RNASET2: variants seen among roughly 807,000 people sequenced by gnomAD.
RNASET2 encodes ribonuclease 6.
Under a neutral mutation model 33.9 loss-of-function variants are expected in RNASET2, and 28 were observed. The observed-to-expected ratio is 0.83, with a 90% confidence interval of 0.61 to 1.13. RNASET2 has a LOEUF of 1.13. Ranked by LOEUF, RNASET2 falls within the 50% of genes most tolerant of loss-of-function variation. The pLI is 0.00. For missense variants in RNASET2, 330 were observed against 319.9 expected (o/e 1.03, Z -0.24); for synonymous variants, 123 against 121.0 (o/e 1.02, Z -0.11).
Position 166,956,167 on chromosome 6 carries a change from G to A in RNASET2, c.16C>T (p.Leu6=), listed in dbSNP as rs11557915. The part of the protein sequence containing the change: MRPAA[L]RGALLGCLCL... ...AGGCAGCCCAGCAGGGCCCCGCGCA[G>A]GGCTGCAGGGCGCATGGTGCCGACC... The change falls in exon 1 of 9, where the codon CTG becomes TTG. Residue 6 remains leucine (L), a synonymous_variant. Coordinates refer to ENST00000508775, the MANE Select transcript of RNASET2 (RefSeq NM_003730.6). 5.2e-3 allele frequency: 8,049 copies of A among 1,549,670 alleles called. 409 individuals carry two copies. The African/African-American group carries it at 0.1, about 19-fold the overall frequency.
rs531011178 is a variant in RNASET2 at position 166,927,702 on chromosome 6, G to A, written c.*1886C>T. Among the ~76,000 whole-genome samples the A allele has an allele frequency of 2.0e-3, 177 of 87,218 alleles. No homozygotes were observed. Among genetic ancestry groups the A allele is most frequent in the Admixed American group, 4.6e-3 (32 of 6,980 alleles). The allele number at this position is 87,218 out of a possible 152,430, so 57.2% of individuals were successfully genotyped here. ...AACCCAAGCCTTGATCCCTGTGTTCGCAAAATGACTCAAAAAAAAAAAAAA... is the reference window on the plus strand; with the variant it reads ...AACCCAAGCCTTGATCCCTGTGTTCACAAAATGACTCAAAAAAAAAAAAAA... On this transcript the variant is annotated 3_prime_UTR_variant, in exon 9 of 9. Coordinates refer to ENST00000508775, the MANE Select transcript of RNASET2 (RefSeq NM_003730.6).
Position 166,952,516 on chromosome 6 carries a change from A to G in RNASET2, c.119T>C (p.Val40Ala), listed in dbSNP as rs1372179117. The change falls in exon 2 of 9, where the codon GTT (valine) becomes GCT (alanine). Residue 40 changes from valine (V) to alanine (A), a missense_variant. Val to Ala is a moderately conservative substitution (Grantham distance 64). Transcript: ENST00000508775. ...DNHEWKKLIM[V>A]QHWPETVCEK... ...GCATACTGTCTCAGGCCAGTGCTGA[A>G]CCATAATTAGTTTTTTCCACTCATG... 6.2e-7 allele frequency: 1 copy of G among 1,614,082 alleles called. No individual in the cohort carries two copies. Among genetic ancestry groups the G allele is most frequent in the Admixed American group, 1.7e-5 (1 of 60,034 alleles).
chr6:166,947,352 A>C (rs1306933504), intron 3 of RNASET2, among the ~76,000 whole-genome samples: 2 of 152,178 alleles, frequency 1.3e-5, no homozygotes, highest in Non-Finnish European at 2.9e-5. Flanking sequence ...CTGACTCTTG[A>C]GTGCTGCTTA....
In RNASET2 at chr6:166,926,601, A is replaced by G. The variant is rs1436111215; in HGVS notation, c.*2987T>C. ...TGAATATGATACAATTGCTACTGTTAGTTATTCAAGCGCATAATGATCTCC... is the reference window on the plus strand; with the variant it reads ...TGAATATGATACAATTGCTACTGTTGGTTATTCAAGCGCATAATGATCTCC... On this transcript the variant is annotated 3_prime_UTR_variant, in exon 9 of 9. Coordinates refer to ENST00000508775, the MANE Select transcript of RNASET2 (RefSeq NM_003730.6). 6.6e-6 allele frequency among the ~76,000 whole-genome samples: 1 copy of G among 151,832 alleles called. No homozygotes were observed. Among genetic ancestry groups the G allele is most frequent in the African/African-American group, 2.4e-5 (1 of 41,260 alleles).
intron 1 of RNASET2, 167 bp from the exon 2 acceptor site, chr6:166,952,715 C>T: frequency 1.6e-6 from 1 of 644,998 alleles, no homozygotes; most frequent in Non-Finnish European, 2.9e-6. Context: ...AGGCGGTACA[C>T]CCCTACACTA....
intron 3 of RNASET2, among the ~76,000 whole-genome samples, chr6:166,947,538 T>C (rs1010466166): frequency 1.3e-5 from 2 of 152,138 alleles, no homozygotes; most frequent in Non-Finnish European, 2.9e-5. Flanking sequence ...GAAACGGCCA[T>C]GATGGGCAGA....
chr6:166,938,850 A>C, intron 6 of RNASET2, 45 bp downstream of exon 6: 2 of 1,363,408 alleles, frequency 1.5e-6, no homozygotes, highest in Non-Finnish European at 2.1e-6. Flanking sequence ...GGGCGACAGC[A>C]GAGATCCCCA....
At chr6:166,940,161 T>A (rs1052956849) in intron 5 of RNASET2, among the ~76,000 whole-genome samples, 4 of 152,240 alleles carry the variant, frequency 2.6e-5, no homozygotes, top group African/African-American at 9.6e-5. Flanking sequence ...CAGATGTTTA[T>A]CATCTTTAGC....
intron 3 of RNASET2, among the ~76,000 whole-genome samples, chr6:166,947,506 G>A (rs1003148831): frequency 1.3e-5 from 2 of 152,180 alleles, no homozygotes; most frequent in African/African-American, 4.8e-5. Context: ...GCATTGCAAA[G>A]CTTCATTCCA....
chr6:166,930,856 CACACACAGCACATGCACACATGCATGT>C (rs1778417639), intron 8 of RNASET2, among the ~76,000 whole-genome samples, 161 bp downstream of exon 8: 1 of 150,908 alleles, frequency 6.6e-6, no homozygotes, highest in South Asian at 2.1e-4. Flanking sequence ...CACACACATG[CACACACAGCACATGCACACATGCATGT>C]ACACACACAC....
chr6:166,946,163 G>A (rs1010150047), intron 4 of RNASET2, among the ~76,000 whole-genome samples: 4 of 152,228 alleles, frequency 2.6e-5, no homozygotes, highest in Non-Finnish European at 5.9e-5. Context: ...CCCGCCCTGT[G>A]AGTTTTCTTT....
At chr6:166,930,170 T>C (rs1778385055) in intron 8 of RNASET2, among the ~76,000 whole-genome samples, 1 of 152,334 alleles carries the variant, frequency 6.6e-6, no homozygotes, top group Middle Eastern at 3.4e-3. Context: ...ATGGCTTTTG[T>C]AGGCCAAAAG....
In RNASET2 at chr6:166,929,478, G is replaced by A. The variant is rs962775844; in HGVS notation, c.*110C>T. 1.2e-5 allele frequency: 14 copies of A among 1,139,230 alleles called. No homozygotes were observed. The Middle Eastern group carries it at 7.9e-4, about 65-fold the overall frequency. 70.6% of individuals were successfully genotyped at this position (1,139,230 alleles called of 1,614,324 possible). A position where few individuals can be genotyped will look rare whatever the true frequency, so the allele number is the denominator to read the frequency against. On this transcript the variant is annotated 3_prime_UTR_variant, in exon 9 of 9. Transcript: ENST00000508775. ...CCACAACATCCAATTCACAGGCATG[G>A]AGGGGAAACAGCAAAATAAACAGAC... is the stretch of plus-strand genomic sequence containing the variant.
At chr6:166,940,819 C>A (rs1194248208) in intron 5 of RNASET2, among the ~76,000 whole-genome samples, 3 of 152,100 alleles carry the variant, frequency 2.0e-5, no homozygotes, top group Non-Finnish European at 4.4e-5. Flanking sequence ...CTGAGAGACA[C>A]CCTGACTCAC....
intron 2 of RNASET2, among the ~76,000 whole-genome samples, chr6:166,950,175 G>A (rs1208759046): frequency 5.3e-5 from 8 of 152,070 alleles, no homozygotes; most frequent in African/African-American, 1.9e-4. Context: ...CTTCAGTGTG[G>A]GTCAAAGACA....
At chr6:166,956,068 TC>T in intron 1 of RNASET2, 28 bp downstream of exon 1, 1 of 1,543,124 alleles carries the variant, frequency 6.5e-7, no homozygotes, top group Non-Finnish European at 8.8e-7. Flanking sequence ...GCTCCCACGC[TC>T]CCCACTTTAC....
At chr6:166,934,233 A>T in intron 6 of RNASET2, 97 bp from the exon 7 acceptor site, 1 of 825,172 alleles carries the variant, frequency 1.2e-6, no homozygotes, top group Non-Finnish European at 2.1e-6. Context: ...AAATTAAGAC[A>T]CTCTTAAAGG....
At chr6:166,939,094 G>GATTAC in intron 5 of RNASET2, 86 bp from the exon 6 acceptor site, 2 of 950,882 alleles carry the variant, frequency 2.1e-6, no homozygotes, top group Non-Finnish European at 3.4e-6. Flanking sequence ...AACACTTTGG[G>GATTAC]AGGCTGAAGG....
At chr6:166,954,516 AC>A (rs1779059758) in intron 1 of RNASET2, among the ~76,000 whole-genome samples, 1 of 152,212 alleles carries the variant, frequency 6.6e-6, no homozygotes, top group Non-Finnish European at 1.5e-5. Context: ...AAGGTCCCAC[AC>A]CTGGGTGTGA....
Sources: allele counts gnomAD v4.1 joint callset (sites outside exome capture counted in the v4.1 genomes callset), GRCh38; gene constraint gnomAD v4.1.1; transcripts MANE v1.5; gene names NCBI Gene and HGNC (gene_info 2026-07-23, HGNC 2026-07-21).